The following CERS6 variants were observed in gnomAD, a reference collection of about 807,000 sequenced individuals.
The protein encoded by CERS6 is LAG1 homolog, ceramide synthase 6.
CERS6 carries 26 observed loss-of-function variants against 56.8 expected under a neutral mutation model. That is an observed-to-expected ratio of 0.46 (90% confidence interval 0.34 to 0.63). The LOEUF (loss-of-function observed/expected upper bound fraction) is 0.63. Among genes scored for constraint, CERS6 ranks in the 30% least tolerant of loss-of-function variants. The probability of loss-of-function intolerance (pLI) is 0.01; values close to 1 mark genes in which losing one functional copy is unlikely to be tolerated. For missense variants in CERS6, 415 were observed against 467.5 expected, an observed-to-expected ratio of 0.89 and a Z score of 1.04; for synonymous variants, 164 against 173.3, an observed-to-expected ratio of 0.95 and a Z score of 0.42.
intron 1 of CERS6, among the ~76,000 whole-genome samples, chr2:168,477,525 A>G (rs373534409): frequency 2.1e-4 from 32 of 152,340 alleles, no homozygotes; most frequent in African/African-American, 6.7e-4. Flanking sequence ...TATAAAATGC[A>G]TATATTTATC....
chr2:168,615,201 C>T (rs1465660140), intron 3 of CERS6, among the ~76,000 whole-genome samples: 1 of 152,098 alleles, frequency 6.6e-6, no homozygotes, highest in Non-Finnish European at 1.5e-5. Flanking sequence ...CCTCATGGGA[C>T]AAAGAATCTG....
At chr2:168,748,832 G>T (rs554560512) in intron 8 of CERS6, among the ~76,000 whole-genome samples, 23 of 77,402 alleles carry the variant, frequency 3.0e-4, no homozygotes, top group African/African-American at 2.7e-3. Flanking sequence ...GGTTGGGGGT[G>T]GGGGGGGGGC....
At chr2:168,462,719 T>G (rs1247191770) in intron 1 of CERS6, among the ~76,000 whole-genome samples, 3 of 152,156 alleles carry the variant, frequency 2.0e-5, no homozygotes, top group Non-Finnish European at 4.4e-5. Flanking sequence ...AATTTTTTTT[T>G]GGTAGAGATG....
intron 8 of CERS6, among the ~76,000 whole-genome samples, chr2:168,748,181 C>T (rs1684164083): frequency 6.6e-6 from 1 of 152,136 alleles, no homozygotes; most frequent in Non-Finnish European, 1.5e-5. Context: ...GATAAATTTC[C>T]TCTCCAATTT....
At chr2:168,625,395 G>A (rs902646179) in intron 3 of CERS6, among the ~76,000 whole-genome samples, 4 of 152,104 alleles carry the variant, frequency 2.6e-5, no homozygotes, top group Admixed American at 6.5e-5. Flanking sequence ...CACAGTTCCT[G>A]GAAGTAGTTG....
intron 8 of CERS6, among the ~76,000 whole-genome samples, chr2:168,743,995 C>CTTTTTTTTTTTTTTTTTTTTTTTT (rs58256507): frequency 2.1e-4 from 13 of 63,396 alleles, no homozygotes; most frequent in South Asian, 6.7e-4. Context: ...TCTTTTTTTT[C>CTTTTTTTTTTTTTTTTTTTTTTTT]TTTTTTTTTT....
intron 3 of CERS6, among the ~76,000 whole-genome samples, chr2:168,611,576 G>GT (rs1194954795): frequency 1.3e-5 from 2 of 152,170 alleles, no homozygotes; most frequent in Non-Finnish European, 2.9e-5. Flanking sequence ...ATTTATCCGT[G>GT]TATCATGTCT....
intron 2 of CERS6, among the ~76,000 whole-genome samples, chr2:168,557,020 A>AAAAAAAAAT (rs1558996759): frequency 7.3e-6 from 1 of 137,912 alleles, no homozygotes; most frequent in Admixed American, 7.5e-5. Flanking sequence ...AAAAAAAAAA[A>AAAAAAAAAT]AGGCATGTTG....
chr2:168,491,499 A>G (rs1026537900), intron 1 of CERS6, among the ~76,000 whole-genome samples: 19 of 152,000 alleles, frequency 1.3e-4, no homozygotes, highest in East Asian at 7.7e-4. Context: ...TTTTTTTTCA[A>G]TAATGAAAGT....
intron 8 of CERS6, among the ~76,000 whole-genome samples, chr2:168,740,651 G>A (rs1290516387): frequency 6.6e-6 from 1 of 152,160 alleles, no homozygotes; most frequent in Non-Finnish European, 1.5e-5. Context: ...AGCGCCTGGG[G>A]CATCACAGAT....
At position 168,657,905 on chromosome 2, in the gene CERS6, G is replaced by A. The variant is rs546824803; in HGVS notation, c.465+26863G>A. Among the ~76,000 whole-genome samples, 1,089 of 152,370 alleles carry A rather than the reference G, an allele frequency of 7.1e-3. 10 individuals are homozygous for A. Among genetic ancestry groups the A allele is most frequent in the African/African-American group, 0.022 (926 of 41,590 alleles). On this transcript the variant is annotated intron_variant, in intron 4 of 9. Coordinates refer to ENST00000305747, the MANE Select transcript of CERS6 (RefSeq NM_203463.3). ...GGCTCCCACAGTGCAGTGGGGGACT[G>A]AAGGGCTCCTCAAATGCCACCGAAG...
intron 6 of CERS6, among the ~76,000 whole-genome samples, chr2:168,712,423 A>C (rs1469950893): frequency 6.6e-6 from 1 of 152,176 alleles, no homozygotes; most frequent in Non-Finnish European, 1.5e-5. Context: ...TCATGACTAC[A>C]AGTAGTATTA....
intron 8 of CERS6, among the ~76,000 whole-genome samples, chr2:168,744,735 T>G (rs983426668): frequency 6.6e-6 from 1 of 152,238 alleles, no homozygotes; most frequent in Non-Finnish European, 1.5e-5. Flanking sequence ...TGACCCATAA[T>G]CATCATGTCT....
chr2:168,537,443 A>G (rs1440646999), intron 1 of CERS6, among the ~76,000 whole-genome samples: 1 of 152,178 alleles, frequency 6.6e-6, no homozygotes, highest in Non-Finnish European at 1.5e-5. Context: ...TTCTTATTTT[A>G]GGGAGAGTGG....
intron 7 of CERS6, among the ~76,000 whole-genome samples, chr2:168,717,426 A>G (rs531907640): frequency 6.6e-6 from 1 of 152,288 alleles, no homozygotes; most frequent in African/African-American, 2.4e-5. Context: ...TATATTCTAT[A>G]TAAAGTTTGT....
chr2:168,747,087 T>C (rs1006030369), intron 8 of CERS6, among the ~76,000 whole-genome samples: 1 of 151,840 alleles, frequency 6.6e-6, no homozygotes, highest in Non-Finnish European at 1.5e-5. Flanking sequence ...TAATCTAGCC[T>C]AGGCAACATA....
At chr2:168,576,221 G>A (rs1683265518) in intron 3 of CERS6, among the ~76,000 whole-genome samples, 1 of 152,028 alleles carries the variant, frequency 6.6e-6, no homozygotes, top group African/African-American at 2.4e-5. Flanking sequence ...CCTCATTTGT[G>A]TGCCCCTTTA....
chr2:168,485,005 T>G (rs1393875214), intron 1 of CERS6, among the ~76,000 whole-genome samples: 1 of 152,146 alleles, frequency 6.6e-6, no homozygotes, highest in African/African-American at 2.4e-5. Context: ...GCATAGAAAA[T>G]GTAGGCAGGC....
intron 4 of CERS6, among the ~76,000 whole-genome samples, chr2:168,660,192 T>A (rs1048532647): frequency 6.6e-6 from 1 of 152,242 alleles, no homozygotes; most frequent in Non-Finnish European, 1.5e-5. Flanking sequence ...GGTTGAGCTC[T>A]ATGGGCACTG....
Sources: allele counts gnomAD v4.1 joint callset (sites outside exome capture counted in the v4.1 genomes callset), GRCh38; gene constraint gnomAD v4.1.1; transcripts MANE v1.5; gene names NCBI Gene and HGNC (gene_info 2026-07-23, HGNC 2026-07-21).